Variants in XNDC1N observed in about 807,000 individuals in gnomAD.
XNDC1N encodes XRCC1 N-terminal domain containing 1, N-terminal like.
the XNDC1N span, among the ~76,000 whole-genome samples, chr11:71,910,607 G>T: frequency 6.6e-6 from 1 of 152,182 alleles, no homozygotes; most frequent in African/African-American, 2.4e-5. Flanking sequence ...CCCTACACCG[G>T]CACCTGGAGG....
the XNDC1N span, among the ~76,000 whole-genome samples, chr11:71,913,407 T>C: frequency 2.0e-5 from 3 of 151,914 alleles, no homozygotes; most frequent in Non-Finnish European, 4.4e-5. Context: ...ACCTTGTAAA[T>C]CCCAGCACTT....
At chr11:71,918,872 A>AC in the XNDC1N span, 6 of 702,152 alleles carry the variant, frequency 8.5e-6, no homozygotes, top group Non-Finnish European at 1.3e-5. Context: ...TTCCTAGGCC[A>AC]CAGAGAACTC....
At chr11:71,895,358 G>C in the XNDC1N span, among the ~76,000 whole-genome samples, 1 of 151,750 alleles carries the variant, frequency 6.6e-6, no homozygotes, top group East Asian at 1.9e-4. Flanking sequence ...TGCCCAGGCT[G>C]GAGTTCAATG....
At chr11:71,903,353 C>T in the XNDC1N span, 2 of 1,459,668 alleles carry the variant, frequency 1.4e-6, no homozygotes, top group East Asian at 2.3e-5. Context: ...TGACTCCCAC[C>T]TCCACACCCC....
chr11:71,892,926 T>C, the XNDC1N span, among the ~76,000 whole-genome samples: 2 of 151,956 alleles, frequency 1.3e-5, no homozygotes, highest in African/African-American at 4.9e-5. Context: ...ATGATAAATA[T>C]GAAAAGTAAT....
At chr11:71,899,282 G>C in the XNDC1N span, among the ~76,000 whole-genome samples, 4 of 152,114 alleles carry the variant, frequency 2.6e-5, no homozygotes, top group Non-Finnish European at 4.4e-5. Context: ...GACGGAGTCT[G>C]AGCCTCCATG....
the XNDC1N span, among the ~76,000 whole-genome samples, chr11:71,892,219 G>A: frequency 0.026 from 3,921 of 151,958 alleles, 58 homozygotes; most frequent in East Asian, 0.078. Context: ...ACTCACTGTG[G>A]TATTAGGAGT....
the XNDC1N span, chr11:71,903,996 G>A: frequency 2.7e-4 from 140 of 519,654 alleles, 2 homozygotes; most frequent in South Asian, 1.4e-3. Flanking sequence ...CATCTTCCCC[G>A]AGAAAGCGTG....
the XNDC1N span, among the ~76,000 whole-genome samples, chr11:71,868,485 T>G: frequency 6.6e-6 from 1 of 152,206 alleles, no homozygotes; most frequent in African/African-American, 2.4e-5. Flanking sequence ...TGGTAACAAA[T>G]TTCCTTAGCA....
At chr11:71,874,275 G>A in the XNDC1N span, among the ~76,000 whole-genome samples, 13 of 152,102 alleles carry the variant, frequency 8.5e-5, no homozygotes, top group South Asian at 2.1e-4. Context: ...AGCAGAGATC[G>A]CACCATTGCA....
At chr11:71,885,499 C>T in the XNDC1N span, among the ~76,000 whole-genome samples, 8 of 152,214 alleles carry the variant, frequency 5.3e-5, no homozygotes, top group South Asian at 1.5e-3. Context: ...GATGCACACC[C>T]AGTGCTATAT....
chr11:71,885,492 G>C, the XNDC1N span, among the ~76,000 whole-genome samples: 1 of 152,104 alleles, frequency 6.6e-6, no homozygotes, highest in Non-Finnish European at 1.5e-5. Flanking sequence ...CCGGGTGGAT[G>C]CACACCCAGT....
the XNDC1N span, among the ~76,000 whole-genome samples, chr11:71,909,994 G>C: frequency 6.6e-6 from 1 of 152,162 alleles, no homozygotes; most frequent in South Asian, 2.1e-4. Context: ...GTGGCCAAGA[G>C]TACGGGCAGA....
chr11:71,923,324 T>C, the XNDC1N span: 5 of 702,958 alleles, frequency 7.1e-6, no homozygotes, highest in East Asian at 1.3e-4. Context: ...AAGAAAATGA[T>C]ACCACATGGC....
the XNDC1N span, among the ~76,000 whole-genome samples, chr11:71,906,723 A>C: frequency 6.6e-6 from 1 of 152,186 alleles, no homozygotes; most frequent in Non-Finnish European, 1.5e-5. Flanking sequence ...TTTCTATAGA[A>C]GATTACACGT....
the XNDC1N span, among the ~76,000 whole-genome samples, chr11:71,900,598 C>T: frequency 6.6e-6 from 1 of 152,200 alleles, no homozygotes; most frequent in African/African-American, 2.4e-5. Flanking sequence ...AGACATCTCA[C>T]TCATGATAGC....
the XNDC1N span, among the ~76,000 whole-genome samples, chr11:71,870,481 G>T: frequency 2.6e-5 from 4 of 152,140 alleles, no homozygotes; most frequent in Non-Finnish European, 5.9e-5. Context: ...CTAACTTAAA[G>T]TTCTAACTTA....
the XNDC1N span, among the ~76,000 whole-genome samples, chr11:71,926,963 TA>T: frequency 3.3e-5 from 5 of 151,796 alleles, no homozygotes; most frequent in African/African-American, 1.2e-4. Context: ...TAATTATACC[TA>T]AAAGGCTGGG....
chr11:71,926,977 C>T, the XNDC1N span, among the ~76,000 whole-genome samples: 4 of 152,124 alleles, frequency 2.6e-5, no homozygotes, highest in African/African-American at 9.7e-5. Context: ...AGGCTGGGTA[C>T]AGTGGCTCAC....
Sources: gnomAD v4.1 joint callset for allele counts (sites outside exome capture counted in the v4.1 genomes callset) on GRCh38, gnomAD v4.1.1 for gene constraint, MANE v1.5 for transcripts, NCBI Gene and HGNC (gene_info 2026-07-23, HGNC 2026-07-21) for gene names.